The following NUP133 variants were observed in gnomAD, a reference collection of about 807,000 sequenced individuals.
NUP133 encodes the protein nuclear pore complex protein Nup133.
Under a neutral mutation model 146.2 loss-of-function variants are expected in NUP133, and 66 were observed. That is an observed-to-expected ratio of 0.45 (90% CI 0.37 to 0.55). The LOEUF (loss-of-function observed/expected upper bound fraction) is 0.55, where lower values mean the gene tolerates loss of function less well. Among genes scored for constraint, NUP133 ranks in the 20% least tolerant of loss-of-function variants. The pLI, the probability that NUP133 is intolerant of heterozygous loss-of-function variation, is 0.00. For missense variants in NUP133, 1,277 were observed against 1,374.8 expected (o/e 0.93, Z 1.12); for synonymous variants, 521 against 498.8 (o/e 1.04, Z -0.59).
chr1:229,461,262 A>G (rs984233866), intron 19 of NUP133, among the ~76,000 whole-genome samples: 6 of 152,082 alleles, frequency 3.9e-5, no homozygotes, highest in African/African-American at 1.4e-4. Context: ...GGCATGATAC[A>G]TCAAAATCTA....
At chr1:229,449,225 C>G (rs762022095) in intron 23 of NUP133, 35 bp from the exon 24 acceptor site, 14 of 1,429,064 alleles carry the variant, frequency 9.8e-6, no homozygotes, top group Non-Finnish European at 1.4e-5. Context: ...CTGATTAAAT[C>G]CTGGCTCTGA....
chr1:229,508,289 C>T lies in NUP133; in HGVS notation c.-40G>A, dbSNP rs759026673. On this transcript the variant is annotated 5_prime_UTR_variant, in exon 1 of 26. Transcript: ENST00000261396. Reference sequence around the variant, plus strand: ...GCGACTAGGACAGCGAGGGATCTGGCCGTCAGGTTGCAGCCTGGCCTGCGC... The same window carrying T: ...GCGACTAGGACAGCGAGGGATCTGGTCGTCAGGTTGCAGCCTGGCCTGCGC... 2.6e-5 allele frequency: 36 copies of T among 1,384,316 alleles called. No homozygotes were observed. Among genetic ancestry groups the T allele is most frequent in the Non-Finnish European group, 3.3e-5 (35 of 1,058,084 alleles). 85.8% of individuals were successfully genotyped at this position (1,384,316 alleles called of 1,614,324 possible).
chr1:229,445,048 A>C, intron 24 of NUP133, 46 bp from the exon 25 acceptor site: 1 of 1,288,142 alleles, frequency 7.8e-7, no homozygotes, highest in Non-Finnish European at 1.1e-6. Flanking sequence ...TCACTGATAT[A>C]GCTGAATTAA....
intron 9 of NUP133, among the ~76,000 whole-genome samples, chr1:229,488,659 CAT>C (rs1172837344): frequency 6.7e-6 from 1 of 149,266 alleles, no homozygotes; most frequent in East Asian, 2.0e-4. Flanking sequence ...TTAAACAAGT[CAT>C]GTTAAGAGTA....
At chr1:229,506,281 C>A in intron 1 of NUP133, 123 bp from the exon 2 acceptor site, 3 of 518,182 alleles carry the variant, frequency 5.8e-6, no homozygotes, top group South Asian at 3.0e-5. Flanking sequence ...CTCATATTTA[C>A]CATGTAATTA....
chr1:229,487,087 C>T (rs1451666460), intron 10 of NUP133, among the ~76,000 whole-genome samples: 1 of 151,970 alleles, frequency 6.6e-6, no homozygotes, highest in Admixed American at 6.6e-5. Context: ...CAATCCTGAC[C>T]AGCCCCCCTG....
intron 24 of NUP133, among the ~76,000 whole-genome samples, chr1:229,448,140 C>T (rs1025037781): frequency 1.3e-5 from 2 of 152,152 alleles, no homozygotes; most frequent in Admixed American, 6.5e-5. Flanking sequence ...AGTCTAAAAA[C>T]GGGAGGAGCC....
chr1:229,495,573 A>G lies in NUP133; in HGVS notation c.976-8T>C, dbSNP rs1661636135. ...ATAGTTACTTTCAGATCCCTACATGAAAATATCAATAATGTAAGCTTCTCA... is the reference window on the plus strand; with the variant it reads ...ATAGTTACTTTCAGATCCCTACATGGAAATATCAATAATGTAAGCTTCTCA... On this transcript the variant is annotated splice_polypyrimidine_tract_variant and splice_region_variant and intron_variant, in intron 7 of 25. Transcript: ENST00000261396. 6.3e-7 allele frequency: 1 copy of G among 1,579,694 alleles called. No individual in the cohort carries two copies. Among genetic ancestry groups the G allele is most frequent in the African/African-American group, 1.3e-5 (1 of 74,188 alleles).
At chr1:229,454,758 C>G (rs941983215) in intron 21 of NUP133, among the ~76,000 whole-genome samples, 2 of 152,214 alleles carry the variant, frequency 1.3e-5, no homozygotes, top group Non-Finnish European at 2.9e-5. Flanking sequence ...TTAACATGAT[C>G]TACCTCTGGT....
At chr1:229,447,709 T>G (rs936213983) in intron 24 of NUP133, among the ~76,000 whole-genome samples, 28 of 152,292 alleles carry the variant, frequency 1.8e-4, no homozygotes, top group Admixed American at 3.9e-4. Flanking sequence ...AGCTTCCTGA[T>G]AGCTGACACG....
Position 229,470,675 on chromosome 1 carries a change from A to G in NUP133, c.1981T>C (p.Ser661Pro). ...IVLKNHHSRL[S>P]DLVNTAILIA... The stretch of plus-strand genomic sequence containing the variant: ...AATATGGCTGTGTTGACAAGGTCAG[A>G]AAGCCGGGAGTGGTGGTTCTTGAGA... The change falls in exon 15 of 26, where the codon TCT (serine) becomes CCT (proline). Residue 661 changes from serine (S) to proline (P), a missense_variant. Around this residue, in one of 3 missense-constraint regions of NUP133, gnomAD observed 952 missense variants for 1,047.0 expected, o/e 0.91. Coordinates refer to ENST00000261396, the MANE Select transcript of NUP133 (RefSeq NM_018230.3). 1 of 1,614,202 alleles carries G rather than the reference A, an allele frequency of 6.2e-7. No homozygotes were observed. The highest frequency in any genetic ancestry group is 8.5e-7 in the Non-Finnish European group (1 of 1,180,034).
intron 12 of NUP133, among the ~76,000 whole-genome samples, chr1:229,481,589 C>A (rs1661212509): frequency 6.6e-6 from 1 of 151,024 alleles, no homozygotes; most frequent in Admixed American, 6.6e-5. Flanking sequence ...GCACCTGCTG[C>A]TTGGGAGGCT....
At chr1:229,503,368 C>T (rs1029743077) in intron 2 of NUP133, among the ~76,000 whole-genome samples, 2 of 152,098 alleles carry the variant, frequency 1.3e-5, no homozygotes, top group African/African-American at 2.4e-5. Flanking sequence ...CTATATAAAA[C>T]ATTTCAAGGA....
intron 24 of NUP133, chr1:229,448,873 T>G (rs10799532): frequency 0.21 from 101,078 of 487,832 alleles, 12,945 homozygotes; most frequent in African/African-American, 0.47. Flanking sequence ...AACCCCCTGG[T>G]GCTTAAATTG....
chr1:229,487,315 G>T (rs1351244691), intron 10 of NUP133, 151 bp downstream of exon 10: 5 of 709,004 alleles, frequency 7.1e-6, no homozygotes, highest in Non-Finnish European at 9.1e-6. Flanking sequence ...TCTTAGTAGG[G>T]TTATGGCTTC....
rs1661935166 is a variant in NUP133 at position 229,506,321 on chromosome 1, C to A, written c.183-163G>T. ...TAATATTTTTCATGTAAAAAAAAAA[C>A]AAAACAGGATTTAGGAAAACTTGGC... On this transcript the variant is annotated intron_variant, in intron 1 of 25. Coordinates refer to ENST00000261396, the MANE Select transcript of NUP133 (RefSeq NM_018230.3). 6.7e-6 allele frequency among the ~76,000 whole-genome samples: 1 copy of A among 150,248 alleles called. No individual in the cohort carries two copies. The highest frequency in any genetic ancestry group is 2.4e-5 in the African/African-American group (1 of 40,826).
chr1:229,445,311 A>C (rs1399725573), intron 24 of NUP133, among the ~76,000 whole-genome samples: 1 of 152,206 alleles, frequency 6.6e-6, no homozygotes, highest in African/African-American at 2.4e-5. Flanking sequence ...TGATTTCAGA[A>C]ACCAAGTAGT....
chr1:229,443,904 TTTTTTTTTTTTTTTA>T (rs1192880340), intron 25 of NUP133, among the ~76,000 whole-genome samples: 4 of 137,688 alleles, frequency 2.9e-5, no homozygotes, highest in African/African-American at 1.2e-4. Context: ...CTTTTTTTTT[TTTTTTTTTTTTTTTA>T]AAATAGGGAC....
At chr1:229,454,755 G>C (rs2102751071) in intron 21 of NUP133, among the ~76,000 whole-genome samples, 1 of 152,302 alleles carries the variant, frequency 6.6e-6, no homozygotes, top group South Asian at 2.1e-4. Context: ...TGATTAACAT[G>C]ATCTACCTCT....
Sources: gnomAD v4.1 joint callset for allele counts (sites outside exome capture counted in the v4.1 genomes callset) on GRCh38, gnomAD v4.1.1 for gene constraint, gnomAD v4.1.1 regional missense constraint, MANE v1.5 for transcripts, NCBI Gene and HGNC (gene_info 2026-07-23, HGNC 2026-07-21) for gene names.